Variants in CAPN13 observed in about 807,000 individuals in gnomAD.
CAPN13 encodes the protein calpain 13, also known as calpain-13.
A neutral mutation model predicts 98.4 loss-of-function variants in CAPN13; 90 were observed. The observed-to-expected ratio is 0.92, with a 90% confidence interval of 0.77 to 1.09. The LOEUF is 1.09. CAPN13 is among the 50% of genes least tolerant of loss of function. The pLI, the probability that CAPN13 is intolerant of heterozygous loss-of-function variation, is 0.00. For missense variants in CAPN13, 887 were observed against 841.3 expected, an observed-to-expected ratio of 1.05 and a Z score of -0.67; for synonymous variants, 330 against 305.5, an observed-to-expected ratio of 1.08 and a Z score of -0.84.
intron 1 of CAPN13, among the ~76,000 whole-genome samples, chr2:30,805,747 C>CTTTATTTATTTTTT (rs60473516): frequency 4.9e-4 from 59 of 121,536 alleles, no homozygotes; most frequent in African/African-American, 1.9e-3. Flanking sequence ...GTAGGTTGGT[C>CTTTATTTATTTTTT]TTTTTTTTTT....
intron 22 of CAPN13, among the ~76,000 whole-genome samples, chr2:30,728,338 T>G (rs1670933467): frequency 6.6e-6 from 1 of 152,024 alleles, no homozygotes; most frequent in Non-Finnish European, 1.5e-5. Flanking sequence ...TATATCTCAA[T>G]ATATTTCTTT....
chr2:30,751,512 A>G (rs542188881), intron 10 of CAPN13, among the ~76,000 whole-genome samples: 1 of 151,418 alleles, frequency 6.6e-6, no homozygotes, highest in Admixed American at 6.6e-5. Flanking sequence ...GTCAAAGTCT[A>G]TTTTATAATG....
intron 1 of CAPN13, among the ~76,000 whole-genome samples, chr2:30,799,206 G>C (rs111304060): frequency 1.3e-5 from 2 of 152,170 alleles, no homozygotes; most frequent in Non-Finnish European, 2.9e-5. Context: ...GGGTGGGAGA[G>C]AGAGGGAAGA....
chr2:30,738,303 G>A lies in CAPN13; in HGVS notation c.1595-10C>T. The A allele has an allele frequency of 6.2e-7, 1 of 1,613,758 alleles. No homozygotes were observed. The highest frequency in any genetic ancestry group is 8.5e-7 in the Non-Finnish European group (1 of 1,179,694). On this transcript the variant is annotated splice_polypyrimidine_tract_variant and intron_variant, in intron 16 of 22. Transcript: ENST00000295055. ...ATGTCCCCTGGAGGTCCTGAGGAGA[G>A]AAGGACAGGAAGGACTGAAGTGTTG...
intron 2 of CAPN13, among the ~76,000 whole-genome samples, chr2:30,781,547 C>A (rs1293924758): frequency 1.3e-5 from 2 of 152,134 alleles, no homozygotes; most frequent in African/African-American, 4.8e-5. Flanking sequence ...CTATTCAGGG[C>A]CTAAACAGAA....
chr2:30,724,538 C>G (rs1670792713), intron 22 of CAPN13, among the ~76,000 whole-genome samples: 2 of 152,232 alleles, frequency 1.3e-5, no homozygotes. Context: ...CGGATTCCAA[C>G]TCTTCCTCCT....
At chr2:30,765,244 T>A (rs1287332788) in intron 5 of CAPN13, among the ~76,000 whole-genome samples, 3 of 152,132 alleles carry the variant, frequency 2.0e-5, no homozygotes, top group Admixed American at 2.0e-4. Context: ...TTGGAAGCGT[T>A]CCATGGAATC....
Position 30,800,141 on chromosome 2 carries a change from AAAGAAAGAAAG to A in CAPN13, c.-33+7150_-33+7160del, listed in dbSNP as rs1259322984. Among the ~76,000 whole-genome samples, 24 of 146,422 alleles carry A rather than the reference AAAGAAAGAAAG, an allele frequency of 1.6e-4. 1 individual carries two copies. The highest frequency in any genetic ancestry group is 5.8e-4 in the African/African-American group (22 of 37,620). On this transcript the variant is annotated intron_variant, in intron 1 of 22. Coordinates refer to ENST00000295055, the MANE Select transcript of CAPN13 (RefSeq NM_144575.3). The stretch of plus-strand genomic sequence containing the variant: ...AAAAGAAAGAAAGAAAGAAAGAAAG[AAAGAAAGAAAG>A]AAAGAAAGAAAGAAAGAAAGAAAGA...
chr2:30,765,438 G>A (rs1354257397), intron 5 of CAPN13, among the ~76,000 whole-genome samples: 1 of 152,208 alleles, frequency 6.6e-6, no homozygotes, highest in Non-Finnish European at 1.5e-5. Flanking sequence ...GCCCTTCACA[G>A]GGTAGAAGGC....
intron 1 of CAPN13, among the ~76,000 whole-genome samples, chr2:30,799,473 A>C (rs1257417702): frequency 6.6e-6 from 1 of 152,128 alleles, no homozygotes; most frequent in Non-Finnish European, 1.5e-5. Flanking sequence ...ACCTCAGAGG[A>C]AGACTATGCA....
At chr2:30,728,238 T>C (rs1670928811) in intron 22 of CAPN13, among the ~76,000 whole-genome samples, 2 of 150,824 alleles carry the variant, frequency 1.3e-5, no homozygotes, top group Admixed American at 1.3e-4. Flanking sequence ...GTTCTAACAA[T>C]CATATTGTGG....
chr2:30,742,198 T>A (rs1395755745), intron 14 of CAPN13, 128 bp downstream of exon 14: 1 of 1,219,236 alleles, frequency 8.2e-7, no homozygotes, highest in African/African-American at 1.5e-5. Context: ...TGAGCCTTCA[T>A]CGGCCTATCA....
At chr2:30,763,034 T>C in intron 7 of CAPN13, 48 bp downstream of exon 7, 1 of 1,474,728 alleles carries the variant, frequency 6.8e-7, no homozygotes, top group South Asian at 1.2e-5. Context: ...ACAAGAACAC[T>C]GGGGCAGAGG....
At chr2:30,734,770 C>T (rs1572785825) in intron 18 of CAPN13, among the ~76,000 whole-genome samples, 1 of 152,182 alleles carries the variant, frequency 6.6e-6, no homozygotes, top group East Asian at 1.9e-4. Context: ...GGCCCTGACA[C>T]ATAGGGCAGT....
intron 10 of CAPN13, among the ~76,000 whole-genome samples, chr2:30,751,910 G>T (rs6733139): frequency 0.065 from 9,898 of 152,300 alleles, 585 homozygotes; most frequent in African/African-American, 0.15. Flanking sequence ...CACATAGCAG[G>T]TGCTCGATCA....
intron 18 of CAPN13, 82 bp downstream of exon 18, chr2:30,736,421 C>A: frequency 2.9e-6 from 4 of 1,375,508 alleles, no homozygotes; most frequent in Non-Finnish European, 4.1e-6. Context: ...TACCCCTGAA[C>A]CCTGGTGCAG....
chr2:30,792,655 C>G (rs111443690), intron 1 of CAPN13, among the ~76,000 whole-genome samples: 1 of 151,854 alleles, frequency 6.6e-6, no homozygotes, highest in Non-Finnish European at 1.5e-5. Flanking sequence ...ACTAATCTTA[C>G]GTGAACTTCC....
At chr2:30,736,639 A>C in intron 17 of CAPN13, 68 bp from the exon 18 acceptor site, 3 of 1,435,082 alleles carry the variant, frequency 2.1e-6, no homozygotes, top group Non-Finnish European at 2.9e-6. Context: ...CCTGCCAACA[A>C]AGCCAGAGCA....
intron 7 of CAPN13, among the ~76,000 whole-genome samples, chr2:30,761,620 T>C (rs1365782986): frequency 6.6e-6 from 1 of 152,198 alleles, no homozygotes; most frequent in African/African-American, 2.4e-5. Context: ...GAATGGCAAA[T>C]ACATTGCAAA....
Sources: allele counts gnomAD v4.1 joint callset (sites outside exome capture counted in the v4.1 genomes callset), GRCh38; gene constraint gnomAD v4.1.1; transcripts MANE v1.5; gene names NCBI Gene and HGNC (gene_info 2026-07-23, HGNC 2026-07-21).